Variants in TACR1 observed in about 807,000 individuals in gnomAD.
The protein encoded by TACR1 is tachykinin receptor 1, also known as substance-P receptor.
TACR1 carries 25 observed loss-of-function variants against 35.8 expected under a neutral mutation model. The observed-to-expected ratio is 0.70, with a 90% confidence interval of 0.51 to 0.98. The LOEUF (loss-of-function observed/expected upper bound fraction) is 0.98. TACR1 is among the 50% of genes least tolerant of loss of function. The pLI is 0.00. For missense variants in TACR1, 478 were observed against 522.9 expected (o/e 0.91, Z 0.84); for synonymous variants, 195 against 206.7 (o/e 0.94, Z 0.48).
At chr2:75,115,635 G>A (rs1367736194) in intron 2 of TACR1, among the ~76,000 whole-genome samples, 1 of 152,110 alleles carries the variant, frequency 6.6e-6, no homozygotes, top group African/African-American at 2.4e-5. Flanking sequence ...GGCCGGGCAC[G>A]GTGGCTCACG....
At position 75,198,924 on chromosome 2, in the gene TACR1, A is replaced by T; in HGVS notation, c.11T>A (p.Val4Asp). 1 of 1,613,010 alleles carries T rather than the reference A, an allele frequency of 6.2e-7. No individual in the cohort carries two copies. The highest frequency in any genetic ancestry group is 8.5e-7 in the Non-Finnish European group (1 of 1,179,876). The change falls in exon 1 of 5, where the codon GTC becomes GAC. Residue 4 changes from valine (V) to aspartate (D), a missense_variant. By Grantham distance (152) the Val-to-Asp change is radical (BLOSUM62 -3). Transcript: ENST00000305249. ...GGAGAGGTCTGAGTCCACCGGGAGG[A>T]CGTTATCCATTTCGAAGCTAGGCGG... is the stretch of plus-strand genomic sequence containing the variant. MDN[V>D]LPVDSDLSPN...
intron 2 of TACR1, among the ~76,000 whole-genome samples, chr2:75,072,813 C>CT (rs1403722689): frequency 6.6e-6 from 1 of 152,214 alleles, no homozygotes; most frequent in East Asian, 1.9e-4. Context: ...AACTTCAGGA[C>CT]TTTTTTCCTC....
At chr2:75,176,027 A>AT in intron 1 of TACR1, among the ~76,000 whole-genome samples, 1 of 150,968 alleles carries the variant, frequency 6.6e-6, no homozygotes, top group African/African-American at 2.4e-5. Context: ...AAAAAAAAAA[A>AT]AAAAAGGAAA....
intron 1 of TACR1, among the ~76,000 whole-genome samples, chr2:75,168,636 T>C (rs535671344): frequency 2.7e-4 from 41 of 152,280 alleles, no homozygotes; most frequent in Admixed American, 1.1e-3. Flanking sequence ...GTGGCGGACT[T>C]CTCCCCAACT....
intron 1 of TACR1, among the ~76,000 whole-genome samples, chr2:75,149,050 C>T (rs1391218837): frequency 6.6e-6 from 1 of 152,128 alleles, no homozygotes; most frequent in Non-Finnish European, 1.5e-5. Context: ...AGTGTTATTT[C>T]TGAGGTCCCT....
At chr2:75,182,809 C>T (rs557326375) in intron 1 of TACR1, among the ~76,000 whole-genome samples, 3 of 152,264 alleles carry the variant, frequency 2.0e-5, no homozygotes, top group African/African-American at 7.2e-5. Context: ...ATGATGTTTG[C>T]ACAATGACAA....
chr2:75,189,684 GC>G (rs1675797166), intron 1 of TACR1: 3 of 152,172 alleles, frequency 2.0e-5, no homozygotes, highest in African/African-American at 7.2e-5. Flanking sequence ...GAATTTGTGT[GC>G]TAAATTTAGA....
At chr2:75,174,817 G>A (rs1395174302) in intron 1 of TACR1, among the ~76,000 whole-genome samples, 1 of 152,110 alleles carries the variant, frequency 6.6e-6, no homozygotes, top group Non-Finnish European at 1.5e-5. Context: ...TTTCATTAAA[G>A]ATATCTCCCT....
At chr2:75,163,884 C>T (rs558529570) in intron 1 of TACR1, among the ~76,000 whole-genome samples, 7 of 151,918 alleles carry the variant, frequency 4.6e-5, no homozygotes, top group Non-Finnish European at 1.0e-4. Context: ...GTTAGTTAAC[C>T]AGTCTATATT....
chr2:75,103,671 G>A (rs1673585420), intron 2 of TACR1, among the ~76,000 whole-genome samples: 1 of 152,104 alleles, frequency 6.6e-6, no homozygotes, highest in African/African-American at 2.4e-5. Flanking sequence ...TAAAGGAGTA[G>A]GAACATTCCT....
intron 2 of TACR1, among the ~76,000 whole-genome samples, chr2:75,066,235 CT>C (rs1194038369): frequency 6.6e-6 from 1 of 152,148 alleles, no homozygotes; most frequent in Non-Finnish European, 1.5e-5. Context: ...TGCTAACCTC[CT>C]TTCAACAGGA....
chr2:75,096,808 C>G (rs1178883582), intron 2 of TACR1, among the ~76,000 whole-genome samples: 2 of 152,188 alleles, frequency 1.3e-5, no homozygotes, highest in Non-Finnish European at 2.9e-5. Flanking sequence ...CTCAACTTCT[C>G]TCTTTACCTC....
At chr2:75,067,342 G>C (rs943120629) in intron 2 of TACR1, among the ~76,000 whole-genome samples, 2 of 152,202 alleles carry the variant, frequency 1.3e-5, no homozygotes, top group Non-Finnish European at 2.9e-5. Context: ...GCCGTGTGTT[G>C]AGGTAGCATC....
intron 2 of TACR1, among the ~76,000 whole-genome samples, chr2:75,054,618 A>G (rs1289445037): frequency 2.0e-5 from 3 of 152,118 alleles, no homozygotes; most frequent in Non-Finnish European, 2.9e-5. Flanking sequence ...GCTCCTTTTC[A>G]GACTTAAATA....
At chr2:75,096,390 T>C (rs1305388931) in intron 2 of TACR1, among the ~76,000 whole-genome samples, 1 of 152,178 alleles carries the variant, frequency 6.6e-6, no homozygotes, top group Non-Finnish European at 1.5e-5. Flanking sequence ...CCTGGTAGCA[T>C]GAAAGGGTGC....
At chr2:75,069,074 T>C (rs1007356825) in intron 2 of TACR1, among the ~76,000 whole-genome samples, 16 of 152,116 alleles carry the variant, frequency 1.1e-4, no homozygotes, top group Admixed American at 9.2e-4. Context: ...AGTGAATAAG[T>C]CTCACGAGAT....
At chr2:75,138,499 G>T (rs1001485968) in intron 1 of TACR1, among the ~76,000 whole-genome samples, 12 of 152,304 alleles carry the variant, frequency 7.9e-5, no homozygotes, top group South Asian at 6.2e-4. Context: ...TTCTTTCCAT[G>T]AAGAAGTTCC....
chr2:75,176,542 G>A (rs1329791949), intron 1 of TACR1, among the ~76,000 whole-genome samples: 4 of 152,040 alleles, frequency 2.6e-5, no homozygotes, highest in African/African-American at 9.7e-5. Flanking sequence ...TAGTTCTGGT[G>A]GCATTCCACT....
chr2:75,109,345 G>C (rs1264665365), intron 2 of TACR1, among the ~76,000 whole-genome samples: 1 of 152,104 alleles, frequency 6.6e-6, no homozygotes, highest in Non-Finnish European at 1.5e-5. Flanking sequence ...AGCTGGGAAG[G>C]GCAGAACCAC....
Sources: allele counts gnomAD v4.1 joint callset (sites outside exome capture counted in the v4.1 genomes callset), GRCh38; gene constraint gnomAD v4.1.1; transcripts MANE v1.5; gene names NCBI Gene and HGNC (gene_info 2026-07-23, HGNC 2026-07-21).